GPC3: variants seen among roughly 807,000 people sequenced by gnomAD.
GPC3 encodes glypican-3.
A neutral mutation model predicts 34.4 loss-of-function variants in GPC3; 3 were observed. The observed-to-expected ratio is 0.09, with a 90% CI of 0.04 to 0.23. The LOEUF (loss-of-function observed/expected upper bound fraction) is 0.23. Ranked by LOEUF, GPC3 falls within the 10% of genes least tolerant of loss-of-function variation. GPC3 has a pLI of 1.00. For synonymous variants in GPC3, 177 were observed against 174.0 expected (o/e 1.02, Z -0.13); for missense variants, 351 against 445.6 (o/e 0.79, Z 1.91).
chrX:133,722,209 C>T (rs1277061043), intron 3 of GPC3, among the ~76,000 whole-genome samples: 1 of 111,553 alleles, frequency 9.0e-6, no homozygotes, highest in Non-Finnish European at 1.9e-5. Context: ...TTACTATTCA[C>T]CTGTCTGTTC....
chrX:133,953,058 A>G lies in GPC3; in HGVS notation c.329T>C (p.Val110Ala), dbSNP rs2076399979. The G allele has an allele frequency of 5.0e-6, 6 of 1,209,340 alleles. No homozygotes were observed. Among genetic ancestry groups the G allele is most frequent in the Non-Finnish European group, 5.6e-6 (5 of 893,430 alleles). The change falls in exon 2 of 8, where the codon GTT becomes GCT. Residue 110 changes from valine (V) to alanine (A), a missense_variant. Physicochemically the swap from Val to Ala is moderately conservative, Grantham distance 64. Coordinates refer to ENST00000370818, the MANE Select transcript of GPC3 (RefSeq NM_004484.4). ...LKFLIIQNAA[V>A]FQEAFEIVVR... ...TAATCCCCAGAACTCACCTTGGAAA[A>G]CCGCAGCATTCTGAATAATTAAGAA...
chrX:133,617,475 G>T (rs2070180073), intron 6 of GPC3, among the ~76,000 whole-genome samples: 1 of 112,069 alleles, frequency 8.9e-6, no homozygotes, highest in Non-Finnish European at 1.9e-5. Context: ...AAAAGTAATT[G>T]TGGGATATTT....
intron 6 of GPC3, among the ~76,000 whole-genome samples, chrX:133,655,476 C>CCACACACA (rs758691994): frequency 3.1e-5 from 3 of 97,618 alleles, no homozygotes; most frequent in African/African-American, 1.1e-4. Context: ...CTTCACACAC[C>CCACACACA]CACACACACA....
chrX:133,863,638 A>C (rs2075950021), intron 2 of GPC3, among the ~76,000 whole-genome samples: 1 of 95,103 alleles, frequency 1.1e-5, no homozygotes, highest in Non-Finnish European at 2.0e-5. Context: ...TAGTTAACAT[A>C]AAAATATTCC....
intron 6 of GPC3, among the ~76,000 whole-genome samples, chrX:133,634,086 A>G (rs966364241): frequency 1.8e-5 from 2 of 112,041 alleles, no homozygotes; most frequent in East Asian, 5.6e-4. Flanking sequence ...GATACTTAAT[A>G]TCATCACTTG....
intron 7 of GPC3, among the ~76,000 whole-genome samples, chrX:133,555,865 G>GAATGCAGC: frequency 9.1e-6 from 1 of 110,035 alleles, no homozygotes; most frequent in East Asian, 2.9e-4. Flanking sequence ...CTGAAATGAT[G>GAATGCAGC]AATGCAGCAA....
intron 2 of GPC3, among the ~76,000 whole-genome samples, chrX:133,863,876 C>T (rs1304675434): frequency 2.8e-5 from 3 of 105,397 alleles, no homozygotes; most frequent in African/African-American, 7.1e-5. Flanking sequence ...AGGATGGTCT[C>T]GATCTCCTGA....
At chrX:133,735,721 G>T (rs922034923) in intron 3 of GPC3, among the ~76,000 whole-genome samples, 14 of 110,850 alleles carry the variant, frequency 1.3e-4, no homozygotes, top group African/African-American at 4.6e-4. Context: ...CCAACACTTT[G>T]GGAGGCTGAG....
At chrX:133,739,481 A>G (rs917328423) in intron 3 of GPC3, among the ~76,000 whole-genome samples, 1 of 111,765 alleles carries the variant, frequency 8.9e-6, no homozygotes, top group Non-Finnish European at 1.9e-5. Context: ...CCCATTCTAT[A>G]GTTGAAGCAA....
rs2267522 is a variant in GPC3 at position 133,930,782 on chromosome X, C to T, written c.337+22268G>A. On this transcript the variant is annotated intron_variant, in intron 2 of 7. Coordinates refer to ENST00000370818, the MANE Select transcript of GPC3 (RefSeq NM_004484.4). ...TCCTGAGTAGCTGGGACTACAGGCGCGTGTCACCACGCCTGGCTAATTTTT... is the reference window on the plus strand; with the variant it reads ...TCCTGAGTAGCTGGGACTACAGGCGTGTGTCACCACGCCTGGCTAATTTTT... Among the ~76,000 whole-genome samples, 54 of 111,472 alleles carry T rather than the reference C, an allele frequency of 4.8e-4. 3 individuals are homozygous for T. The East Asian group carries it at 7.1e-3, about 15-fold the overall frequency.
At chrX:133,574,829 T>G (rs916524086) in intron 7 of GPC3, among the ~76,000 whole-genome samples, 1 of 112,229 alleles carries the variant, frequency 8.9e-6, no homozygotes, top group Non-Finnish European at 1.9e-5. Flanking sequence ...TAATGAGGCT[T>G]AAGGGTTGGC....
At chrX:133,681,981 C>G in intron 5 of GPC3, among the ~76,000 whole-genome samples, 1 of 112,327 alleles carries the variant, frequency 8.9e-6, no homozygotes. Context: ...ATTCAACTTA[C>G]ATGCTCTCTG....
chrX:133,766,071 G>C (rs1032782055), intron 2 of GPC3, among the ~76,000 whole-genome samples: 33 of 111,458 alleles, frequency 3.0e-4, no homozygotes, highest in Admixed American at 2.8e-3. Context: ...AGCCCCAAAG[G>C]CTTGGGCTAT....
intron 7 of GPC3, among the ~76,000 whole-genome samples, chrX:133,592,402 A>G (rs1479680830): frequency 9.4e-6 from 1 of 106,877 alleles, no homozygotes; most frequent in Non-Finnish European, 1.9e-5. Context: ...TCATCTGTAA[A>G]GTGAGAATAG....
At chrX:133,906,367 C>T (rs188637375) in intron 2 of GPC3, among the ~76,000 whole-genome samples, 82 of 111,773 alleles carry the variant, frequency 7.3e-4, no homozygotes, top group Admixed American at 2.7e-3. Context: ...AGGAGGTAAA[C>T]TGTGTATTAA....
chrX:133,828,557 C>T (rs1483172719), intron 2 of GPC3, among the ~76,000 whole-genome samples: 8 of 111,958 alleles, frequency 7.1e-5, no homozygotes, highest in African/African-American at 2.6e-4. Context: ...GGAAACCCTA[C>T]TTTATCAGTA....
intron 2 of GPC3, among the ~76,000 whole-genome samples, chrX:133,874,931 A>T (rs2076008981): frequency 8.9e-6 from 1 of 112,286 alleles, no homozygotes; most frequent in African/African-American, 3.2e-5. Flanking sequence ...TTAAAAGAAC[A>T]TGACAGATGA....
intron 2 of GPC3, among the ~76,000 whole-genome samples, chrX:133,943,077 A>G (rs2076351536): frequency 8.9e-6 from 1 of 112,055 alleles, no homozygotes; most frequent in South Asian, 3.7e-4. Flanking sequence ...ACAACTATAA[A>G]CAGATATAAG....
At position 133,753,364 on chromosome X, in the gene GPC3, A is replaced by G. The variant is rs1231540430; in HGVS notation, c.1032+118T>C. On this transcript the variant is annotated intron_variant, in intron 3 of 7. Transcript: ENST00000370818. ...CTAACTCTGTGAGGTCATTCAGTCC[A>G]TCATCACCCCTTCCCCACCTTCCAA... The G allele has an allele frequency of 8.6e-6, 5 of 580,047 alleles. No homozygotes were observed. The African/African-American group carries it at 1.1e-4, about 13-fold the overall frequency. The allele number at this position is 580,047 out of a possible 1,213,427, so 47.8% of individuals were successfully genotyped here.
Sources: gnomAD v4.1 joint callset for allele counts (sites outside exome capture counted in the v4.1 genomes callset) on GRCh38, gnomAD v4.1.1 for gene constraint, MANE v1.5 for transcripts, NCBI Gene and HGNC (gene_info 2026-07-23, HGNC 2026-07-21) for gene names.